The following ULK4 variants were observed in gnomAD, a reference collection of about 807,000 sequenced individuals.
ULK4 encodes the protein unc-51 like kinase 4, also known as inactive serine/threonine-protein kinase ULK4.
Under a neutral mutation model 160.6 loss-of-function variants are expected in ULK4, and 133 were observed. That is an observed-to-expected ratio of 0.83 (90% confidence interval 0.72 to 0.96). The LOEUF is 0.96. ULK4 is among the 40% of genes least tolerant of loss of function. The pLI is 0.00. For missense variants in ULK4, 1,580 were observed against 1,499.5 expected (o/e 1.05, Z -0.89); for synonymous variants, 534 against 539.8 (o/e 0.99, Z 0.15).
intron 34 of ULK4, among the ~76,000 whole-genome samples, chr3:41,443,700 T>C (rs1162835269): frequency 1.3e-5 from 2 of 152,130 alleles, no homozygotes; most frequent in Non-Finnish European, 2.9e-5. Context: ...GCTCTTTGTA[T>C]ATATATCGTG....
At chr3:41,852,961 G>T (rs1456147874) in intron 17 of ULK4, among the ~76,000 whole-genome samples, 1 of 152,162 alleles carries the variant, frequency 6.6e-6, no homozygotes, top group Non-Finnish European at 1.5e-5. Context: ...AGTCTCAAAA[G>T]CAGGTCTGCA....
intron 5 of ULK4, among the ~76,000 whole-genome samples, chr3:41,929,550 T>C (rs963738190): frequency 6.6e-6 from 1 of 152,024 alleles, no homozygotes; most frequent in East Asian, 1.9e-4. Flanking sequence ...GGAAGTCAAA[T>C]TGTCTCTGCA....
At chr3:41,747,587 C>A (rs1000985691) in intron 22 of ULK4, among the ~76,000 whole-genome samples, 1 of 152,082 alleles carries the variant, frequency 6.6e-6, no homozygotes, top group African/African-American at 2.4e-5. Flanking sequence ...CCCTAACCCT[C>A]AATGTGACTA....
At chr3:41,341,054 A>C (rs550515312) in intron 35 of ULK4, among the ~76,000 whole-genome samples, 1 of 152,320 alleles carries the variant, frequency 6.6e-6, no homozygotes, top group South Asian at 2.1e-4. Flanking sequence ...CAAATATCCA[A>C]ATGGAAGTCC....
intron 12 of ULK4, among the ~76,000 whole-genome samples, chr3:41,903,926 G>T (rs964558633): frequency 6.7e-6 from 1 of 149,740 alleles, no homozygotes; most frequent in African/African-American, 2.5e-5. Flanking sequence ...CAAAATGTAT[G>T]AGACGTATGA....
chr3:41,370,753 T>G (rs940036722), intron 35 of ULK4, among the ~76,000 whole-genome samples: 1 of 152,116 alleles, frequency 6.6e-6, no homozygotes, highest in African/African-American at 2.4e-5. Context: ...GCAGGAGTAT[T>G]TTTCCAAACC....
chr3:41,522,496 G>A (rs924533102), intron 32 of ULK4, among the ~76,000 whole-genome samples: 1 of 152,026 alleles, frequency 6.6e-6, no homozygotes, highest in Non-Finnish European at 1.5e-5. Context: ...TTGAAAATAT[G>A]GCTTTGATAC....
intron 17 of ULK4, among the ~76,000 whole-genome samples, chr3:41,845,078 G>T (rs2125667112): frequency 6.6e-6 from 1 of 151,474 alleles, no homozygotes; most frequent in East Asian, 2.0e-4. Flanking sequence ...CCATTCTCCT[G>T]CCTCAGCCTC....
intron 18 of ULK4, among the ~76,000 whole-genome samples, chr3:41,827,969 T>A (rs1020246982): frequency 6.6e-6 from 1 of 151,988 alleles, no homozygotes; most frequent in Non-Finnish European, 1.5e-5. Context: ...GTGGGCTTCA[T>A]CCCTGGGATG....
intron 32 of ULK4, among the ~76,000 whole-genome samples, chr3:41,493,849 G>A (rs879319180): frequency 2.0e-3 from 276 of 136,134 alleles, no homozygotes; most frequent in Middle Eastern, 7.8e-3. Flanking sequence ...TAAATTCCTC[G>A]ACACATACAC....
chr3:41,868,677 T>TA (rs1341202749), intron 17 of ULK4, among the ~76,000 whole-genome samples: 1 of 148,842 alleles, frequency 6.7e-6, no homozygotes, highest in Non-Finnish European at 1.5e-5. Flanking sequence ...ATTTTTTTTT[T>TA]AGTAGAGACA....
chr3:41,590,240 G>A (rs1379114645), intron 31 of ULK4, among the ~76,000 whole-genome samples: 1 of 151,638 alleles, frequency 6.6e-6, no homozygotes, highest in East Asian at 2.0e-4. Context: ...CTGACCTCAT[G>A]ATCCGCCTGC....
At chr3:41,568,633 A>C (rs557864914) in intron 31 of ULK4, among the ~76,000 whole-genome samples, 24 of 152,316 alleles carry the variant, frequency 1.6e-4, no homozygotes, top group Admixed American at 3.9e-4. Flanking sequence ...AGTTGTGTGG[A>C]AAAACACACA....
intron 17 of ULK4, among the ~76,000 whole-genome samples, chr3:41,837,245 A>C (rs1390969524): frequency 6.6e-6 from 1 of 152,198 alleles, no homozygotes; most frequent in Non-Finnish European, 1.5e-5. Context: ...TATAACTTAT[A>C]TAAAATCAAT....
chr3:41,736,772 C>T (rs1470834394), intron 22 of ULK4, among the ~76,000 whole-genome samples: 9 of 151,428 alleles, frequency 5.9e-5, no homozygotes, highest in African/African-American at 2.2e-4. Context: ...TTGCCCATGC[C>T]TATGTCCTGA....
rs552416708 is a variant in ULK4, at chr3:41,380,479, T to G, written c.3678+17600A>C. 7.9e-4 allele frequency among the ~76,000 whole-genome samples: 120 copies of G among 152,252 alleles called. 1 individual carries two copies. The highest frequency in any genetic ancestry group is 2.7e-3 in the African/African-American group (114 of 41,546). ...CGTCAGAGTAAGACTGCATCTCTAC[T>G]GACTCCCAGAGGCAGGGAGATAGGG... On this transcript the variant is annotated intron_variant, in intron 35 of 36. Transcript: ENST00000301831.
intron 32 of ULK4, among the ~76,000 whole-genome samples, chr3:41,465,244 A>T (rs1284364540): frequency 1.3e-5 from 2 of 152,204 alleles, no homozygotes; most frequent in Non-Finnish European, 2.9e-5. Context: ...ATGAAAACAA[A>T]GTCATGAGAC....
At chr3:41,752,494 G>C (rs79007668) in intron 22 of ULK4, among the ~76,000 whole-genome samples, 1,873 of 152,264 alleles carry the variant, frequency 0.012, 37 homozygotes, top group African/African-American at 0.04. Flanking sequence ...ATCCCTAAAA[G>C]ATGAGAAACA....
intron 35 of ULK4, among the ~76,000 whole-genome samples, chr3:41,250,717 C>T (rs1330643811): frequency 4.6e-5 from 7 of 152,350 alleles, no homozygotes; most frequent in African/African-American, 1.7e-4. Flanking sequence ...CGCACCTCCA[C>T]TGAGATCCTC....
Sources: allele counts gnomAD v4.1 joint callset (sites outside exome capture counted in the v4.1 genomes callset), GRCh38; gene constraint gnomAD v4.1.1; transcripts MANE v1.5; gene names NCBI Gene and HGNC (gene_info 2026-07-23, HGNC 2026-07-21).